The following MSX1 variants were observed in gnomAD, a reference collection of about 807,000 sequenced individuals.
The protein encoded by MSX1 is homeobox protein MSX-1.
Under a neutral mutation model 17.0 loss-of-function variants are expected in MSX1, and 11 were observed. The ratio of observed to expected loss-of-function variants is 0.65; its 90% CI spans 0.41 to 1.07. MSX1 has a LOEUF of 1.07. Among genes scored for constraint, MSX1 ranks in the 50% least tolerant of loss-of-function variants. MSX1 has a pLI of 0.00. For missense variants in MSX1, 477 were observed against 440.1 expected (o/e 1.08, Z -0.75); for synonymous variants, 253 against 211.8 (o/e 1.19, Z -1.69).
rs1202846198 is a variant in MSX1 at position 4,859,909 on chromosome 4, G to A, written c.10G>A (p.Ala4Thr). The A allele has an allele frequency of 6.7e-7, 1 of 1,494,968 alleles. No individual in the cohort carries two copies. The allele number at this position is 1,494,968 out of a possible 1,614,324, so 92.6% of individuals were successfully genotyped here. Residue 4 changes from alanine to threonine, a missense_variant, in exon 1 of 2, where the codon GCT (alanine) becomes ACT (threonine). By Grantham distance (58) the Ala-to-Thr change is moderately conservative. Coordinates refer to ENST00000382723, the MANE Select transcript of MSX1 (RefSeq NM_002448.3). Reference sequence around the variant, plus strand: ...GGGGGCCCGGCTCTGCATGGCCCCGGCTGCTGACATGACTTCTTTGCCACT... The same window carrying A: ...GGGGGCCCGGCTCTGCATGGCCCCGACTGCTGACATGACTTCTTTGCCACT... MAP[A>T]ADMTSLPLGV...
At position 4,862,776 on chromosome 4, in the gene MSX1, C is replaced by CT; in HGVS notation, c.545_546insT (p.Gln183AlafsTer31). 1 of 1,613,544 alleles carries CT rather than the reference C, an allele frequency of 6.2e-7. No individual in the cohort carries two copies. The highest frequency in any genetic ancestry group is 8.5e-7 in the Non-Finnish European group (1 of 1,180,010). On this transcript the variant is annotated frameshift_variant, in exon 2 of 2. Transcript: ENST00000382723. LOFTEE classifies it high-confidence loss of function. ...AAGCCGCGGACGCCCTTCACCACCG[C>CT]GCAGCTGCTGGCGCTGGAGCGCAAG...
In MSX1 at chr4:4,860,223, G is replaced by A. The variant is rs574606351; in HGVS notation, c.324G>A (p.Ala108=). 1.0e-5 allele frequency: 16 copies of A among 1,568,716 alleles called. No homozygotes were observed. Among genetic ancestry groups the A allele is most frequent in the Non-Finnish European group, 1.4e-5 (16 of 1,165,524 alleles). The change falls in exon 1 of 2, where the codon GCG becomes GCA. Residue 108 remains alanine, a synonymous_variant. Coordinates refer to ENST00000382723, the MANE Select transcript of MSX1 (RefSeq NM_002448.3). Reference sequence around the variant, plus strand: ...CGGGGTCGCTGGGAGCCCCGGACGCGCCCTCTTCGCCGCGGCCGCTCGGCC... The same window carrying A: ...CGGGGTCGCTGGGAGCCCCGGACGCACCCTCTTCGCCGCGGCCGCTCGGCC... ...VPPGSLGAPD[A]PSSPRPLGHF...
chr4:4,863,248 C>A lies in MSX1; in HGVS notation c.*105C>A. The A allele has an allele frequency of 8.5e-7, 1 of 1,172,704 alleles. No homozygotes were observed. The highest frequency in any genetic ancestry group is 1.4e-5 in the South Asian group (1 of 73,254). The allele number at this position is 1,172,704 out of a possible 1,614,324, so 72.6% of individuals were successfully genotyped here. On this transcript the variant is annotated 3_prime_UTR_variant, in exon 2 of 2. Coordinates refer to ENST00000382723, the MANE Select transcript of MSX1 (RefSeq NM_002448.3). The stretch of plus-strand genomic sequence containing the variant: ...GCACCGCCAGCCGCCTTCCCTTTAA[C>A]CCTCACACTGCTCCAGTTTCACCTC...
rs369820958 is a variant in MSX1, at chr4:4,862,855, G to C, written c.624G>C (p.Ser208=). The C allele has an allele frequency of 4.3e-6, 7 of 1,613,806 alleles. No individual in the cohort carries two copies. The South Asian group carries it at 5.5e-5, about 13-fold the overall frequency. ...SIAERAEFSS[S]LSLTETQVKI... ...CCGAGCGCGCGGAGTTCTCCAGCTCGCTCAGCCTCACTGAGACGCAGGTGA... is the reference window on the plus strand; with the variant it reads ...CCGAGCGCGCGGAGTTCTCCAGCTCCCTCAGCCTCACTGAGACGCAGGTGA... The change falls in exon 2 of 2, where the codon TCG becomes TCC. Residue 208 remains serine (S), a synonymous_variant. Transcript: ENST00000382723.
At position 4,862,681 on chromosome 4, in the gene MSX1, T is replaced by A; in HGVS notation, c.470-20T>A. Reference sequence around the variant, plus strand: ...TGCTTCTCTCTTAACCCCTTGCTTTTTTTTTCTTTCGGCCCTCAGGGCGGC... The same window carrying A: ...TGCTTCTCTCTTAACCCCTTGCTTTATTTTTCTTTCGGCCCTCAGGGCGGC... On this transcript the variant is annotated intron_variant, in intron 1 of 1. Transcript: ENST00000382723. The A allele has an allele frequency of 6.2e-7, 1 of 1,610,058 alleles. No homozygotes were observed. The highest frequency in any genetic ancestry group is 8.5e-7 in the Non-Finnish European group (1 of 1,179,886).
rs573552083 is a variant in MSX1 at position 4,863,855 on chromosome 4, T to C, written c.*712T>C. 1 of 152,610 alleles carries C rather than the reference T, an allele frequency of 6.6e-6. No homozygotes were observed. Among genetic ancestry groups the C allele is most frequent in the South Asian group, 2.1e-4 (1 of 4,830 alleles). The allele number at this position is 152,610 out of a possible 1,614,324, so 9.5% of individuals were successfully genotyped here. ...TTTGGAAGGGATTGTGTGTACTATGTAATATACTGTATATTTGAAATTTTA... is the reference window on the plus strand; with the variant it reads ...TTTGGAAGGGATTGTGTGTACTATGCAATATACTGTATATTTGAAATTTTA... On this transcript the variant is annotated 3_prime_UTR_variant, in exon 2 of 2. Coordinates refer to ENST00000382723, the MANE Select transcript of MSX1 (RefSeq NM_002448.3).
In MSX1 at chr4:4,860,255, C is replaced by A; in HGVS notation, c.356C>A (p.Ser119Ter). 6.3e-7 allele frequency: 1 copy of A among 1,590,032 alleles called. No homozygotes were observed. The highest frequency in any genetic ancestry group is 8.5e-7 in the Non-Finnish European group (1 of 1,176,074). Residue 119 changes from serine to a stop codon, truncating the protein, a stop_gained, in exon 1 of 2, where the codon TCG becomes TAG. Transcript: ENST00000382723. LOFTEE classifies it high-confidence loss of function. Reference sequence around the variant, plus strand: ...TCGCCGCGGCCGCTCGGCCATTTCTCGGTGGGGGGACTCCTCAAGCTGCCA... The same window carrying A: ...TCGCCGCGGCCGCTCGGCCATTTCTAGGTGGGGGGACTCCTCAAGCTGCCA... ...PSSPRPLGHF[S>*]VGGLLKLPED... is the part of the protein sequence containing the mutation.
At position 4,860,193 on chromosome 4, in the gene MSX1, C is replaced by A. The variant is rs751909477; in HGVS notation, c.294C>A (p.Val98=). 6.6e-7 allele frequency: 1 copy of A among 1,519,630 alleles called. No homozygotes were observed. Among genetic ancestry groups the A allele is most frequent in the Non-Finnish European group, 8.8e-7 (1 of 1,140,252 alleles). The allele number at this position is 1,519,630 out of a possible 1,614,324, so 94.1% of individuals were successfully genotyped here. A position where few individuals can be genotyped will look rare whatever the true frequency, so the allele number is the denominator to read the frequency against. The stretch of plus-strand genomic sequence containing the variant: ...GTGGCTCGGCGCAGCCACTGGGCGT[C>A]CCGCCGGGGTCGCTGGGAGCCCCGG... ...AAGGSAQPLG[V]PPGSLGAPDA... is the part of the protein sequence containing the mutation. The change falls in exon 1 of 2, where the codon GTC becomes GTA. Residue 98 remains valine (V), a synonymous_variant. Coordinates refer to ENST00000382723, the MANE Select transcript of MSX1 (RefSeq NM_002448.3).
At chr4:4,862,280 G>A (rs527373099) in intron 1 of MSX1, 37 of 350,964 alleles carry the variant, frequency 1.1e-4, no homozygotes, top group Middle Eastern at 1.6e-3. Flanking sequence ...CCCTTGGGCT[G>A]GGCGCAGGGC....
At position 4,860,205 on chromosome 4, in the gene MSX1, G is replaced by T. The variant is rs554682138; in HGVS notation, c.306G>T (p.Ser102=). The change falls in exon 1 of 2, where the codon TCG becomes TCT. Residue 102 remains serine (S), a synonymous_variant. Coordinates refer to ENST00000382723, the MANE Select transcript of MSX1 (RefSeq NM_002448.3). ...AGCCACTGGGCGTCCCGCCGGGGTC[G>T]CTGGGAGCCCCGGACGCGCCCTCTT... ...SAQPLGVPPG[S]LGAPDAPSSP... The T allele has an allele frequency of 1.3e-6, 2 of 1,535,794 alleles. No homozygotes were observed. The highest frequency in any genetic ancestry group is 8.7e-7 in the Non-Finnish European group (1 of 1,148,534).
rs574455216 is a variant in MSX1 at position 4,862,732 on chromosome 4, C to G, written c.501C>G (p.Arg167=). 23 of 1,613,348 alleles carry G rather than the reference C, an allele frequency of 1.4e-5. No individual in the cohort carries two copies. The East Asian group carries it at 2.0e-4, about 14-fold the overall frequency. Residue 167 remains arginine, a synonymous_variant, in exon 2 of 2, where the codon CGC becomes CGG. Coordinates refer to ENST00000382723, the MANE Select transcript of MSX1 (RefSeq NM_002448.3). The stretch of plus-strand genomic sequence containing the variant: ...TGAGCCCCCCAGCCTGCACCCTCCG[C>G]AAACACAAGACGAACCGTAAGCCGC... ...RRLSPPACTL[R]KHKTNRKPRT... is the part of the protein sequence containing the mutation.
intron 1 of MSX1, 180 bp from the exon 2 acceptor site, chr4:4,862,521 C>T (rs765121475): frequency 2.5e-6 from 2 of 793,558 alleles, no homozygotes; most frequent in East Asian, 2.6e-5. Context: ...TTCTCCCCTG[C>T]GGGGTTGCAA....
Position 4,860,110 on chromosome 4 carries a change from A to T in MSX1, c.211A>T (p.Arg71Trp). 1 of 1,517,046 alleles carries T rather than the reference A, an allele frequency of 6.6e-7. No individual in the cohort carries two copies. The highest frequency in any genetic ancestry group is 8.8e-7 in the Non-Finnish European group (1 of 1,136,500). 94.0% of individuals were successfully genotyped at this position (1,517,046 alleles called of 1,614,324 possible). The change falls in exon 1 of 2, where the codon AGG becomes TGG. Residue 71 changes from arginine (R) to tryptophan (W), a missense_variant. Arg to Trp is a moderately radical substitution (Grantham distance 101). Around this residue, in one of 3 missense-constraint regions of MSX1, gnomAD observed 355 missense variants for 306.1 expected, o/e 1.16. Coordinates refer to ENST00000382723, the MANE Select transcript of MSX1 (RefSeq NM_002448.3). The stretch of plus-strand genomic sequence containing the variant: ...CGTGGAGGCGCTCATGGCCGACCAC[A>T]GGAAGCCGGGGGCCAAGGAGAGCGC... ...FSVEALMADH[R>W]KPGAKESALA...
At chr4:4,861,739 A>G (rs1737920673) in intron 1 of MSX1, among the ~76,000 whole-genome samples, 1 of 152,176 alleles carries the variant, frequency 6.6e-6, no homozygotes, top group Admixed American at 6.5e-5. Context: ...CCCATCCCCG[A>G]CCTGCACTAG....
At position 4,859,723 on chromosome 4, in the gene MSX1, A is replaced by T; in HGVS notation, c.-177A>T. The T allele has an allele frequency of 3.6e-6, 1 of 273,994 alleles. No homozygotes were observed. The highest frequency in any genetic ancestry group is 6.1e-6 in the Non-Finnish European group (1 of 162,870). The allele number at this position is 273,994 out of a possible 1,614,324, so 17.0% of individuals were successfully genotyped here. A position where few individuals can be genotyped will look rare whatever the true frequency, so the allele number is the denominator to read the frequency against. ...CTGCCTGCGCGGCGGCAGCGACCGG[A>T]GGCCAGGCCCAGCACGCCGGAGCTG... On this transcript the variant is annotated 5_prime_UTR_variant, in exon 1 of 2. Coordinates refer to ENST00000382723, the MANE Select transcript of MSX1 (RefSeq NM_002448.3).
At chr4:4,860,943 C>G (rs992032441) in intron 1 of MSX1, among the ~76,000 whole-genome samples, 1 of 152,156 alleles carries the variant, frequency 6.6e-6, no homozygotes, top group Non-Finnish European at 1.5e-5. Flanking sequence ...GGGCGGGGCA[C>G]CAAGTCAATT....
In MSX1 at chr4:4,862,721, T is replaced by G; in HGVS notation, c.490T>G (p.Cys164Gly). The G allele has an allele frequency of 6.2e-7, 1 of 1,613,144 alleles. No individual in the cohort carries two copies. Among genetic ancestry groups the G allele is most frequent in the Non-Finnish European group, 8.5e-7 (1 of 1,180,018 alleles). Residue 164 changes from cysteine to glycine, a missense_variant, in exon 2 of 2, where the codon TGC becomes GGC. Physicochemically the swap from Cys to Gly is radical, Grantham distance 159. Coordinates refer to ENST00000382723, the MANE Select transcript of MSX1 (RefSeq NM_002448.3). ...CTCAGGGCGGCTGAGCCCCCCAGCC[T>G]GCACCCTCCGCAAACACAAGACGAA... is the stretch of plus-strand genomic sequence containing the variant. The part of the protein sequence containing the change: ...PPARRLSPPA[C>G]TLRKHKTNRK...
rs1318544738 is a variant in MSX1, at chr4:4,860,162, C to A, written c.263C>A (p.Ala88Glu). 6.6e-7 allele frequency: 1 copy of A among 1,507,160 alleles called. No individual in the cohort carries two copies. The highest frequency in any genetic ancestry group is 8.8e-7 in the Non-Finnish European group (1 of 1,134,780). The allele number at this position is 1,507,160 out of a possible 1,614,324, so 93.4% of individuals were successfully genotyped here. A position where few individuals can be genotyped will look rare whatever the true frequency, so the allele number is the denominator to read the frequency against. ...CTGGCGCCCTCCGAGGGCGTGCAGG[C>A]GGCGGGTGGCTCGGCGCAGCCACTG... ...SALAPSEGVQ[A>E]AGGSAQPLGV... The change falls in exon 1 of 2, where the codon GCG (alanine) becomes GAG (glutamate). Residue 88 changes from alanine to glutamate, a missense_variant. Ala to Glu is a moderately radical substitution (Grantham distance 107). This residue lies in a region of MSX1 where 355 missense variants were observed against 306.1 expected (regional missense o/e 1.16). Transcript: ENST00000382723.
Position 4,863,091 on chromosome 4 carries a change from C to T in MSX1, c.860C>T (p.Pro287Leu). Residue 287 changes from proline to leucine, a missense_variant, in exon 2 of 2, where the codon CCC becomes CTC. Physicochemically the swap from Pro to Leu is moderately conservative, Grantham distance 98. Transcript: ENST00000382723. Reference sequence around the variant, plus strand: ...CAGCGCGCCGCGCTGCCTGTGGCGCCCGTGGGACTCTACACGGCCCATGTG... The same window carrying T: ...CAGCGCGCCGCGCTGCCTGTGGCGCTCGTGGGACTCTACACGGCCCATGTG... Reference protein sequence around the residue: ...PFQRAALPVAPVGLYTAHVGY... With the variant: ...PFQRAALPVALVGLYTAHVGY... 1.2e-6 allele frequency: 2 copies of T among 1,609,698 alleles called. No individual in the cohort carries two copies. The highest frequency in any genetic ancestry group is 1.7e-4 in the Middle Eastern group (1 of 5,764).
Sources: allele counts gnomAD v4.1 joint callset (sites outside exome capture counted in the v4.1 genomes callset), GRCh38; gene constraint gnomAD v4.1.1; regional missense constraint gnomAD v4.1.1; transcripts MANE v1.5; gene names NCBI Gene and HGNC (gene_info 2026-07-23, HGNC 2026-07-21).